The following RP1 variants were observed in gnomAD, a reference collection of about 807,000 sequenced individuals.
RP1 encodes RP1 axonemal microtubule associated.
A neutral mutation model predicts 14.8 loss-of-function variants in RP1; 16 were observed. That is an observed-to-expected ratio of 1.08 (90% CI 0.73 to 1.65). The LOEUF (loss-of-function observed/expected upper bound fraction) is 1.65, where lower values mean the gene tolerates loss of function less well. Ranked by LOEUF, RP1 falls within the 40% of genes most tolerant of loss-of-function variation. The pLI is 0.00. For synonymous variants in RP1, 876 were observed against 883.6 expected (o/e 0.99, Z 0.15); for missense variants, 2,631 against 2,535.0 (o/e 1.04, Z -0.81).
intron 24 of RP1, among the ~76,000 whole-genome samples, chr8:54,794,081 G>T (rs1585698208): frequency 6.6e-6 from 1 of 151,922 alleles, no homozygotes; most frequent in African/African-American, 2.4e-5. Context: ...TAAACGGAAA[G>T]ATATTCCATG....
chr8:54,630,659 G>A lies in RP1; in HGVS notation c.*306G>A. ...GCTCAGGGCATCAAAATGTGCTAAGGACAAGAATTATATCCTTTTTAAAAA... is the reference window on the plus strand; with the variant it reads ...GCTCAGGGCATCAAAATGTGCTAAGAACAAGAATTATATCCTTTTTAAAAA... On this transcript the variant is annotated 3_prime_UTR_variant, in exon 4 of 4. Transcript: ENST00000220676. 3 of 1,155,634 alleles carry A rather than the reference G, an allele frequency of 2.6e-6. No homozygotes were observed. The highest frequency in any genetic ancestry group is 3.2e-6 in the Non-Finnish European group (3 of 936,010). The allele number at this position is 1,155,634 out of a possible 1,614,324, so 71.6% of individuals were successfully genotyped here.
At chr8:54,624,646 C>G in intron 3 of RP1, 24 bp from the exon 4 acceptor site, 1 of 1,612,584 alleles carries the variant, frequency 6.2e-7, no homozygotes, top group Non-Finnish European at 8.5e-7. Flanking sequence ...ATGTGGGCAC[C>G]TTTTACTCTT....
intron 1 of RP1, among the ~76,000 whole-genome samples, chr8:54,564,813 C>G (rs969586828): frequency 6.6e-6 from 1 of 152,232 alleles, no homozygotes; most frequent in Admixed American, 6.5e-5. Flanking sequence ...ATTGAAAGAG[C>G]TCAGTGAGAA....
intron 17 of RP1, among the ~76,000 whole-genome samples, chr8:54,729,327 A>G (rs1375852904): frequency 1.3e-5 from 2 of 152,204 alleles, no homozygotes; most frequent in Admixed American, 6.5e-5. Context: ...CATGTTCTAC[A>G]GTGTTGCCAG....
At chr8:54,790,438 T>C (rs10111718) in intron 24 of RP1, among the ~76,000 whole-genome samples, 71,690 of 151,866 alleles carry the variant, frequency 0.47, 17,919 homozygotes, top group African/African-American at 0.64. Context: ...ACAAAGAAGT[T>C]GTGGTAACAT....
chr8:54,665,876 G>A (rs1807005657), intron 7 of RP1, among the ~76,000 whole-genome samples: 1 of 152,154 alleles, frequency 6.6e-6, no homozygotes, highest in Non-Finnish European at 1.5e-5. Context: ...GACATTAGGT[G>A]TACACTCAAA....
In RP1 at chr8:54,706,970, G is replaced by A. The variant is rs146557789; in HGVS notation, c.2211+315G>A. Among the ~76,000 whole-genome samples the A allele has an allele frequency of 2.6e-5, 4 of 152,278 alleles. No individual in the cohort carries two copies. In the East Asian group the frequency reaches 7.7e-4, roughly 29 times the overall value. ...TTACGTTTCTAACAAGCTCTCAGCT[G>A]TGGCTGCTGATGCTGGTCCATGAAT... is the stretch of plus-strand genomic sequence containing the variant. On this transcript the variant is annotated intron_variant, in intron 15 of 22. Coordinates refer to the RP1 transcript ENST00000636932.
At chr8:54,853,734 AAGAG>A (rs1287431371) in intron 26 of RP1, among the ~76,000 whole-genome samples, 1 of 149,840 alleles carries the variant, frequency 6.7e-6, no homozygotes, top group Non-Finnish European at 1.5e-5. Context: ...CTCTAAAAAA[AAGAG>A]AGAAAGAAAG....
intron 12 of RP1, chr8:54,699,322 A>C (rs2129342720): frequency 2.5e-6 from 1 of 393,182 alleles, no homozygotes; most frequent in East Asian, 3.6e-5. Context: ...CAAACTGAAC[A>C]TACTGTGGAG....
intron 24 of RP1, among the ~76,000 whole-genome samples, chr8:54,803,264 C>T (rs1337153128): frequency 6.6e-6 from 1 of 152,126 alleles, no homozygotes; most frequent in Admixed American, 6.5e-5. Flanking sequence ...TGAACATGTT[C>T]CTCACTGTCT....
rs368583186 is a variant in RP1, at chr8:54,758,210, C to T, written c.3094-712C>T. On this transcript the variant is annotated intron_variant, in intron 21 of 22. Coordinates refer to the RP1 transcript ENST00000636932. The stretch of plus-strand genomic sequence containing the variant: ...ATCCTTTCCTCAGATAACTTTAGGA[C>T]GTTTATTCTCGACAACAATCTACGA... 6.6e-4 allele frequency among the ~76,000 whole-genome samples: 100 copies of T among 152,182 alleles called. 3 individuals are homozygous for T. In the South Asian group the frequency reaches 0.017, roughly 25 times the overall value.
intron 24 of RP1, among the ~76,000 whole-genome samples, chr8:54,789,024 C>T (rs1810396947): frequency 6.6e-6 from 1 of 152,170 alleles, no homozygotes; most frequent in Non-Finnish European, 1.5e-5. Flanking sequence ...TCCAGCTTTT[C>T]CAAAATTTTG....
intron 24 of RP1, among the ~76,000 whole-genome samples, chr8:54,806,469 G>C (rs1287957974): frequency 1.3e-5 from 2 of 152,124 alleles, no homozygotes; most frequent in Admixed American, 1.3e-4. Flanking sequence ...CTACATCTTA[G>C]CAAAATGACA....
At chr8:54,869,983 G>A (rs1237793770) in exon 29 of RP1, 4 of 927,248 alleles carry the variant, frequency 4.3e-6, no homozygotes, top group Admixed American at 8.6e-5. Flanking sequence ...TGCTTCAAAA[G>A]GCTATTGATC....
intron 25 of RP1, among the ~76,000 whole-genome samples, chr8:54,851,047 G>T (rs561539246): frequency 6.6e-6 from 1 of 152,030 alleles, no homozygotes; most frequent in Admixed American, 6.6e-5. Flanking sequence ...GCAAGTACAC[G>T]TACGTGTGTG....
chr8:54,823,813 T>G lies in RP1; in HGVS notation c.3616-13637T>G, dbSNP rs535457648. On this transcript the variant is annotated intron_variant, in intron 24 of 28. Coordinates refer to the RP1 transcript ENST00000637698. The stretch of plus-strand genomic sequence containing the variant: ...TGGTTTTCCATTTCTCTGGGATAAA[T>G]TCCCAGGAATGCAATTGCTAGGTTG... Among the ~76,000 whole-genome samples, 3 of 152,320 alleles carry G rather than the reference T, an allele frequency of 2.0e-5. No homozygotes were observed. The East Asian group carries it at 5.8e-4, about 29-fold the overall frequency.
At chr8:54,598,525 T>TTA (rs1246808384) in intron 1 of RP1, among the ~76,000 whole-genome samples, 2 of 152,186 alleles carry the variant, frequency 1.3e-5, no homozygotes, top group Non-Finnish European at 2.9e-5. Context: ...GATGGAAAGT[T>TTA]TATTGTATTT....
intron 1 of RP1, among the ~76,000 whole-genome samples, chr8:54,569,831 A>G (rs559345267): frequency 1.3e-5 from 2 of 152,200 alleles, no homozygotes; most frequent in Non-Finnish European, 2.9e-5. Flanking sequence ...CAGACGACGT[A>G]CCGCATGATG....
Position 54,646,769 on chromosome 8 carries a change from T to G in RP1, c.788-2216T>G, listed in dbSNP as rs1368232569. On this transcript the variant is annotated intron_variant, in intron 3 of 22. Coordinates refer to the RP1 transcript ENST00000636932. ...CCTTTCCATCCTAGTTGTTGGAAAATGCAATTTCTTTCTTGATTGATTTGT... is the reference window on the plus strand; with the variant it reads ...CCTTTCCATCCTAGTTGTTGGAAAAGGCAATTTCTTTCTTGATTGATTTGT... 2.0e-5 allele frequency among the ~76,000 whole-genome samples: 3 copies of G among 152,190 alleles called. No homozygotes were observed. In the East Asian group the frequency reaches 5.8e-4, roughly 29 times the overall value.
Sources: allele counts gnomAD v4.1 joint callset (sites outside exome capture counted in the v4.1 genomes callset), GRCh38; gene constraint gnomAD v4.1.1; transcripts MANE v1.5; gene names NCBI Gene and HGNC (gene_info 2026-07-23, HGNC 2026-07-21).